SNW1: variants seen among roughly 807,000 people sequenced by gnomAD.
SNW1 encodes the protein SNW domain-containing protein 1.
SNW1 carries 9 observed loss-of-function variants against 75.6 expected under a neutral mutation model. That is an observed-to-expected ratio of 0.12 (90% CI 0.07 to 0.21). The LOEUF (loss-of-function observed/expected upper bound fraction) is 0.21. Among genes scored for constraint, SNW1 ranks in the 10% least tolerant of loss-of-function variants. The pLI is 1.00. For synonymous variants in SNW1, 200 were observed against 219.1 expected (o/e 0.91, Z 0.77); for missense variants, 409 against 670.9 (o/e 0.61, Z 4.31).
chr14:77,721,681 C>T (rs1038350652), intron 11 of SNW1, among the ~76,000 whole-genome samples: 1 of 152,112 alleles, frequency 6.6e-6, no homozygotes, highest in African/African-American at 2.4e-5. Context: ...ATCATTTATC[C>T]AGGGAGATGA....
rs1165480296 is a variant in SNW1, at chr14:77,718,011, T to G, written c.*77A>C. 7.3e-7 allele frequency: 1 copy of G among 1,376,372 alleles called. No individual in the cohort carries two copies. Among genetic ancestry groups the G allele is most frequent in the Non-Finnish European group, 9.8e-7 (1 of 1,018,974 alleles). 85.3% of individuals were successfully genotyped at this position (1,376,372 alleles called of 1,614,324 possible). A position where few individuals can be genotyped will look rare whatever the true frequency, so the allele number is the denominator to read the frequency against. ...CAGATTTGGTTTTTATCCTGACCAT[T>G]TACAAAGTGTTCCCCCATATGACTT... On this transcript the variant is annotated 3_prime_UTR_variant, in exon 14 of 14. Transcript: ENST00000261531.
chr14:77,737,291 T>C (rs2080680574), intron 5 of SNW1, among the ~76,000 whole-genome samples: 1 of 152,106 alleles, frequency 6.6e-6, no homozygotes, highest in Non-Finnish European at 1.5e-5. Context: ...GTGGTATTAG[T>C]TTGCAAATAA....
chr14:77,741,686 C>T (rs1189212098), intron 3 of SNW1, among the ~76,000 whole-genome samples: 2 of 152,042 alleles, frequency 1.3e-5, no homozygotes, highest in South Asian at 4.1e-4. Flanking sequence ...GTCTTATTTC[C>T]TCTCAGCATG....
intron 10 of SNW1, among the ~76,000 whole-genome samples, chr14:77,728,753 C>T (rs1006862128): frequency 1.3e-5 from 2 of 152,146 alleles, no homozygotes; most frequent in Non-Finnish European, 2.9e-5. Context: ...TACTATAAGC[C>T]TTAGTTTCCT....
intron 10 of SNW1, among the ~76,000 whole-genome samples, chr14:77,729,969 C>G (rs2080616282): frequency 6.6e-6 from 1 of 152,110 alleles, no homozygotes; most frequent in Admixed American, 6.6e-5. Context: ...ACTATTCTGA[C>G]ACCTCATCTC....
chr14:77,751,210 G>T, intron 3 of SNW1, 109 bp downstream of exon 3: 1 of 1,140,124 alleles, frequency 8.8e-7, no homozygotes, highest in South Asian at 1.5e-5. Context: ...ACCATGCCCA[G>T]CCACTGCTAC....
chr14:77,761,095 AC>A lies in SNW1; in HGVS notation c.14+18del. On this transcript the variant is annotated intron_variant, in intron 1 of 13. Coordinates refer to ENST00000261531, the MANE Select transcript of SNW1 (RefSeq NM_012245.3). ...ACTCCCAGACCCTTCCGTATCGAGG[AC>A]CCCAATCAACAACCCACCTGGTGAG... 6.2e-7 allele frequency: 1 copy of A among 1,614,154 alleles called. No individual in the cohort carries two copies. Among genetic ancestry groups the A allele is most frequent in the Non-Finnish European group, 8.5e-7 (1 of 1,180,020 alleles).
Position 77,761,150 on chromosome 14 carries a change from G to T in SNW1, c.-23C>A. ...CATCTTCTTCCGCTTCTTCCAGCGCGAGCGACAGCACCGCTGGGCGGGTCT... is the reference window on the plus strand; with the variant it reads ...CATCTTCTTCCGCTTCTTCCAGCGCTAGCGACAGCACCGCTGGGCGGGTCT... On this transcript the variant is annotated 5_prime_UTR_variant, in exon 1 of 14. Transcript: ENST00000261531. The T allele has an allele frequency of 1.2e-6, 2 of 1,614,242 alleles. No individual in the cohort carries two copies. The highest frequency in any genetic ancestry group is 2.2e-5 in the East Asian group (1 of 44,888).
intron 3 of SNW1, among the ~76,000 whole-genome samples, chr14:77,747,445 C>T (rs1481463320): frequency 1.3e-5 from 2 of 151,674 alleles, no homozygotes; most frequent in Non-Finnish European, 2.9e-5. Context: ...CACCTCTTCC[C>T]GGCCGCCATC....
At chr14:77,719,651 A>AACAC (rs1450172477) in intron 12 of SNW1, among the ~76,000 whole-genome samples, 2 of 147,376 alleles carry the variant, frequency 1.4e-5, no homozygotes, top group East Asian at 3.9e-4. Flanking sequence ...AGAAAACAAA[A>AACAC]ACAAACAAAA....
chr14:77,725,745 CTG>C (rs954732455), intron 10 of SNW1, among the ~76,000 whole-genome samples: 2 of 152,058 alleles, frequency 1.3e-5, no homozygotes, highest in African/African-American at 4.8e-5. Context: ...TGGCAAAACC[CTG>C]TCTCTAAAAT....
At chr14:77,755,159 C>CA (rs149191999) in intron 1 of SNW1, 39 bp from the exon 2 acceptor site, 3 of 1,007,116 alleles carry the variant, frequency 3.0e-6, no homozygotes, top group Non-Finnish European at 4.3e-6. Flanking sequence ...ATTTAAAAAA[C>CA]TCTTATGTTT....
At chr14:77,735,229 ATTC>A (rs2080661229) in intron 7 of SNW1, among the ~76,000 whole-genome samples, 1 of 152,228 alleles carries the variant, frequency 6.6e-6, no homozygotes, top group African/African-American at 2.4e-5. Flanking sequence ...TCTAGAAATT[ATTC>A]TTGACAGTTA....
chr14:77,761,096 C>G lies in SNW1; in HGVS notation c.14+18G>C, dbSNP rs1333442459. On this transcript the variant is annotated intron_variant, in intron 1 of 13. Coordinates refer to ENST00000261531, the MANE Select transcript of SNW1 (RefSeq NM_012245.3). ...CTCCCAGACCCTTCCGTATCGAGGA[C>G]CCCAATCAACAACCCACCTGGTGAG... 2.5e-6 allele frequency: 4 copies of G among 1,614,256 alleles called. No individual in the cohort carries two copies. Among genetic ancestry groups the G allele is most frequent in the Non-Finnish European group, 3.4e-6 (4 of 1,180,042 alleles).
intron 11 of SNW1, 186 bp from the exon 12 acceptor site, chr14:77,721,014 G>A (rs911337960): frequency 1.8e-6 from 1 of 571,062 alleles, no homozygotes; most frequent in Non-Finnish European, 3.1e-6. Flanking sequence ...AGATTAGAGG[G>A]AGAGTTTTAC....
intron 3 of SNW1, among the ~76,000 whole-genome samples, chr14:77,750,553 A>C (rs185365202): frequency 1.8e-4 from 28 of 152,292 alleles, no homozygotes. Flanking sequence ...AAATTGAAAA[A>C]GTTTGGCGGG....
At chr14:77,746,270 A>G (rs1594804470) in intron 3 of SNW1, among the ~76,000 whole-genome samples, 1 of 152,266 alleles carries the variant, frequency 6.6e-6, no homozygotes, top group South Asian at 2.1e-4. Flanking sequence ...GAGAAAGACA[A>G]ACAGACATGG....
intron 1 of SNW1, among the ~76,000 whole-genome samples, chr14:77,757,544 T>A (rs1001315459): frequency 4.6e-5 from 7 of 152,226 alleles, no homozygotes; most frequent in African/African-American, 1.7e-4. Context: ...GTTCTGTATG[T>A]TTGATTATTT....
Position 77,761,143 on chromosome 14 carries a change from C to T in SNW1, c.-16G>A. 2.5e-6 allele frequency: 4 copies of T among 1,614,250 alleles called. No individual in the cohort carries two copies. The highest frequency in any genetic ancestry group is 3.3e-5 in the Admixed American group (2 of 60,032). ...TGAGCGCCATCTTCTTCCGCTTCTT[C>T]CAGCGCGAGCGACAGCACCGCTGGG... On this transcript the variant is annotated 5_prime_UTR_variant, in exon 1 of 14. Transcript: ENST00000261531.
Sources: allele counts gnomAD v4.1 joint callset (sites outside exome capture counted in the v4.1 genomes callset), GRCh38; gene constraint gnomAD v4.1.1; transcripts MANE v1.5; gene names NCBI Gene and HGNC (gene_info 2026-07-23, HGNC 2026-07-21).